RBM18: variants seen among roughly 807,000 people sequenced by gnomAD.
RBM18 encodes the protein RNA binding motif protein 18.
Under a neutral mutation model 26.4 loss-of-function variants are expected in RBM18, and 18 were observed. The observed-to-expected ratio is 0.68, with a 90% confidence interval of 0.47 to 1.01. The LOEUF (loss-of-function observed/expected upper bound fraction) is 1.01, where lower values mean the gene tolerates loss of function less well. Ranked by LOEUF, RBM18 falls within the 50% of genes least tolerant of loss-of-function variation. RBM18 has a pLI of 0.00. For synonymous variants in RBM18, 74 were observed against 81.1 expected, an observed-to-expected ratio of 0.91 and a Z score of 0.47; for missense variants, 180 against 219.2, an observed-to-expected ratio of 0.82 and a Z score of 1.13.
chr9:122,239,431 T>C lies in RBM18; in HGVS notation c.*2453A>G, dbSNP rs1056954284. On this transcript the variant is annotated 3_prime_UTR_variant, in exon 6 of 6. Transcript: ENST00000417201. ...AACTGGTTAGGATTACATTTTGCAT[T>C]TGATAAAATAGGAATTGAGATGAAG... 2 of 152,228 alleles carry C rather than the reference T, an allele frequency of 1.3e-5. No homozygotes were observed. The highest frequency in any genetic ancestry group is 2.9e-5 in the Non-Finnish European group (2 of 68,034). 9.4% of individuals were successfully genotyped at this position (152,228 alleles called of 1,614,324 possible).
intron 2 of RBM18, among the ~76,000 whole-genome samples, chr9:122,257,200 C>T (rs939775675): frequency 6.6e-6 from 1 of 151,974 alleles, no homozygotes; most frequent in Non-Finnish European, 1.5e-5. Context: ...CTCAGCCTCC[C>T]GAGTAGCTGG....
At chr9:122,257,669 T>TA (rs903218851) in intron 2 of RBM18, among the ~76,000 whole-genome samples, 2 of 152,084 alleles carry the variant, frequency 1.3e-5, no homozygotes, top group African/African-American at 2.4e-5. Flanking sequence ...AGTGGTTATT[T>TA]AAAAAAAATT....
chr9:122,255,714 G>C (rs1385450360), intron 2 of RBM18, among the ~76,000 whole-genome samples: 1 of 152,132 alleles, frequency 6.6e-6, no homozygotes, highest in Non-Finnish European at 1.5e-5. Flanking sequence ...GGCCAGACTG[G>C]TTCATGGCGA....
At chr9:122,260,897 T>C (rs1831782042) in intron 2 of RBM18, among the ~76,000 whole-genome samples, 1 of 152,206 alleles carries the variant, frequency 6.6e-6, no homozygotes, top group Admixed American at 6.5e-5. Context: ...AATGAATGAA[T>C]GAAAACCAAA....
chr9:122,255,211 T>C (rs1475938040), intron 2 of RBM18, among the ~76,000 whole-genome samples: 2 of 152,218 alleles, frequency 1.3e-5, no homozygotes, highest in South Asian at 2.1e-4. Flanking sequence ...TTATGTTTTA[T>C]GATAAGTACA....
intron 1 of RBM18, 89 bp from the exon 2 acceptor site, chr9:122,261,597 G>A: frequency 1.1e-6 from 1 of 883,934 alleles, no homozygotes; most frequent in Non-Finnish European, 1.8e-6. Context: ...ATTTATTCAA[G>A]GAGGGCATGC....
intron 1 of RBM18, among the ~76,000 whole-genome samples, chr9:122,264,299 G>A (rs567191263): frequency 2.8e-4 from 42 of 152,310 alleles, no homozygotes; most frequent in African/African-American, 9.4e-4. Context: ...TTTGAGGAAA[G>A]GTAAAGGGTA....
intron 3 of RBM18, among the ~76,000 whole-genome samples, chr9:122,249,791 C>G (rs1831568421): frequency 6.6e-6 from 1 of 151,522 alleles, no homozygotes; most frequent in African/African-American, 2.4e-5. Context: ...AAAATGCTGA[C>G]CAGGTGTGGT....
chr9:122,255,252 T>C (rs1831672108), intron 2 of RBM18, among the ~76,000 whole-genome samples: 1 of 152,162 alleles, frequency 6.6e-6, no homozygotes, highest in Non-Finnish European at 1.5e-5. Context: ...GCTTCCAATT[T>C]AAGTAACCAA....
chr9:122,237,709 T>C lies in RBM18; in HGVS notation c.*4175A>G, dbSNP rs1831350951. On this transcript the variant is annotated 3_prime_UTR_variant, in exon 6 of 6. Coordinates refer to ENST00000417201, the MANE Select transcript of RBM18 (RefSeq NM_033117.4). ...AAAACACATTTCCAGTCATGGAATA[T>C]TGTTTAGAGTAGGGTTTGGCAAATT... The C allele has an allele frequency of 6.6e-6, 1 of 152,248 alleles. No individual in the cohort carries two copies. The highest frequency in any genetic ancestry group is 1.5e-5 in the Non-Finnish European group (1 of 68,046). The allele number at this position is 152,248 out of a possible 1,614,324, so 9.4% of individuals were successfully genotyped here.
At chr9:122,255,938 G>A (rs1831689172) in intron 2 of RBM18, among the ~76,000 whole-genome samples, 1 of 152,042 alleles carries the variant, frequency 6.6e-6, no homozygotes, top group African/African-American at 2.4e-5. Context: ...GGCTGAGGTG[G>A]GAGGATTGCT....
At chr9:122,250,923 T>C (rs1347965653) in intron 3 of RBM18, among the ~76,000 whole-genome samples, 1 of 150,860 alleles carries the variant, frequency 6.6e-6, no homozygotes, top group Non-Finnish European at 1.5e-5. Context: ...TTATTATTAC[T>C]ATTATTATTA....
At chr9:122,244,590 C>T (rs1831474873) in intron 5 of RBM18, among the ~76,000 whole-genome samples, 1 of 152,196 alleles carries the variant, frequency 6.6e-6, no homozygotes, top group South Asian at 2.1e-4. Flanking sequence ...GTGTTTAGCA[C>T]AGTGCCTGCT....
chr9:122,257,847 G>C (rs1015151864), intron 2 of RBM18, among the ~76,000 whole-genome samples: 4 of 152,144 alleles, frequency 2.6e-5, no homozygotes, highest in Non-Finnish European at 5.9e-5. Context: ...CTGTTGAATG[G>C]GGAAGTGGTA....
At chr9:122,243,504 G>A (rs1831457404) in intron 5 of RBM18, among the ~76,000 whole-genome samples, 1 of 152,144 alleles carries the variant, frequency 6.6e-6, no homozygotes, top group Non-Finnish European at 1.5e-5. Flanking sequence ...GAAGTTGCGA[G>A]GAATTTGCTT....
At chr9:122,258,347 C>A (rs1326827018) in intron 2 of RBM18, among the ~76,000 whole-genome samples, 1 of 151,990 alleles carries the variant, frequency 6.6e-6, no homozygotes, top group African/African-American at 2.4e-5. Flanking sequence ...CGGCTCACTG[C>A]AACCTCTGCC....
At chr9:122,245,044 G>A (rs1281055735) in intron 5 of RBM18, among the ~76,000 whole-genome samples, 1 of 152,186 alleles carries the variant, frequency 6.6e-6, no homozygotes, top group African/African-American at 2.4e-5. Context: ...AGTCTTTTTC[G>A]AGGGAATGAT....
rs1234197405 is a variant in RBM18 at position 122,246,861 on chromosome 9, T to TCAA, written c.327+654_327+656dup. 3.3e-5 allele frequency among the ~76,000 whole-genome samples: 5 copies of TCAA among 152,150 alleles called. No individual in the cohort carries two copies. The East Asian group carries it at 9.6e-4, about 29-fold the overall frequency. On this transcript the variant is annotated intron_variant, in intron 4 of 5. Coordinates refer to ENST00000417201, the MANE Select transcript of RBM18 (RefSeq NM_033117.4). ...AGATCAACTCTTGGGAACGCTCCAG[T>TCAA]CAACACACTTTACCACCTCTGTGCC...
At chr9:122,245,387 G>T in intron 4 of RBM18, 46 bp from the exon 5 acceptor site, 2 of 1,215,620 alleles carry the variant, frequency 1.6e-6, no homozygotes, top group Non-Finnish European at 1.2e-6. Flanking sequence ...GCAGAAACCA[G>T]CCCTTTACTG....
Sources: gnomAD v4.1 joint callset for allele counts (sites outside exome capture counted in the v4.1 genomes callset) on GRCh38, gnomAD v4.1.1 for gene constraint, MANE v1.5 for transcripts, NCBI Gene and HGNC (gene_info 2026-07-23, HGNC 2026-07-21) for gene names.